The following WRN variants were observed in gnomAD, a reference collection of about 807,000 sequenced individuals.
The protein encoded by WRN is WRN RecQ like helicase.
Under a neutral mutation model 180.7 loss-of-function variants are expected in WRN, and 149 were observed. The ratio of observed to expected loss-of-function variants is 0.82; its 90% CI spans 0.72 to 0.94. The LOEUF is 0.94. Among genes scored for constraint, WRN ranks in the 40% least tolerant of loss-of-function variants. The pLI is 0.00. For missense variants in WRN, 1,661 were observed against 1,700.1 expected, an observed-to-expected ratio of 0.98 and a Z score of 0.40; for synonymous variants, 548 against 568.9, an observed-to-expected ratio of 0.96 and a Z score of 0.52.
chr8:31,048,482 A>G (rs1175644135), intron 1 of WRN, among the ~76,000 whole-genome samples: 1 of 152,220 alleles, frequency 6.6e-6, no homozygotes, highest in Non-Finnish European at 1.5e-5. Context: ...TATAGATTGT[A>G]TATATGTATA....
intron 8 of WRN, among the ~76,000 whole-genome samples, chr8:31,078,260 C>T (rs772431256): frequency 6.6e-6 from 1 of 152,066 alleles, no homozygotes; most frequent in Non-Finnish European, 1.5e-5. Flanking sequence ...AGTGTGAAAA[C>T]GATAACTAGT....
chr8:31,086,001 C>A (rs1184538606), intron 11 of WRN, among the ~76,000 whole-genome samples: 1 of 151,852 alleles, frequency 6.6e-6, no homozygotes, highest in Non-Finnish European at 1.5e-5. Context: ...TTCAGTTTTA[C>A]TCTTATTATT....
At position 31,125,971 on chromosome 8, in the gene WRN, A is replaced by AATATATATATATAT. The variant is rs55952524; in HGVS notation, c.2825+986_2825+999dup. On this transcript the variant is annotated intron_variant, in intron 23 of 34. Coordinates refer to ENST00000298139, the MANE Select transcript of WRN (RefSeq NM_000553.6). Reference sequence around the variant, plus strand: ...TCACAACCAAGAAGACATCATCCTAAATATATATATATATATATATATATA... The same window carrying AATATATATATATAT: ...TCACAACCAAGAAGACATCATCCTAAATATATATATATATATATATATATATATATATATATATA... Among the ~76,000 whole-genome samples the AATATATATATATAT allele has an allele frequency of 2.2e-4, 32 of 145,650 alleles. 1 individual carries two copies. Among genetic ancestry groups the AATATATATATATAT allele is most frequent in the African/African-American group, 6.5e-4 (25 of 38,688 alleles).
intron 8 of WRN, among the ~76,000 whole-genome samples, chr8:31,078,840 G>T (rs2553268): frequency 0.67 from 101,902 of 152,064 alleles, 34,783 homozygotes; most frequent in East Asian, 0.86. Flanking sequence ...CAGGACAGCC[G>T]TTGGTATTTG....
At chr8:31,052,152 A>G (rs1024594114) in intron 1 of WRN, among the ~76,000 whole-genome samples, 1 of 152,216 alleles carries the variant, frequency 6.6e-6, no homozygotes, top group Non-Finnish European at 1.5e-5. Flanking sequence ...GTTCTATAGT[A>G]TGAAAAAATA....
chr8:31,048,623 A>G, intron 1 of WRN, among the ~76,000 whole-genome samples: 1 of 152,204 alleles, frequency 6.6e-6, no homozygotes, highest in East Asian at 1.9e-4. Context: ...AAAATATGTA[A>G]TATAATAAAA....
chr8:31,129,619 CTG>C (rs1218140558), intron 23 of WRN, among the ~76,000 whole-genome samples: 1 of 152,090 alleles, frequency 6.6e-6, no homozygotes, highest in Non-Finnish European at 1.5e-5. Context: ...AAAAATCAAA[CTG>C]GAAATTAAAA....
chr8:31,154,489 C>T (rs972149951), intron 31 of WRN, 135 bp from the exon 32 acceptor site: 15 of 1,041,600 alleles, frequency 1.4e-5, no homozygotes, highest in Middle Eastern at 6.4e-4. Flanking sequence ...TTTTGAGCTC[C>T]CCATAAAAAG....
chr8:31,101,870 A>C (rs1026050683), intron 18 of WRN, among the ~76,000 whole-genome samples: 4 of 151,826 alleles, frequency 2.6e-5, no homozygotes, highest in African/African-American at 9.7e-5. Flanking sequence ...TGGTTTAAAA[A>C]CCCACAATAA....
At chr8:31,072,429 G>A (rs1744924840) in intron 7 of WRN, among the ~76,000 whole-genome samples, 1 of 152,150 alleles carries the variant, frequency 6.6e-6, no homozygotes, top group Non-Finnish European at 1.5e-5. Flanking sequence ...TAACATGAAG[G>A]TCCTATAACC....
At chr8:31,162,471 G>A (rs1803668481) in intron 33 of WRN, among the ~76,000 whole-genome samples, 1 of 151,998 alleles carries the variant, frequency 6.6e-6, no homozygotes, top group South Asian at 2.1e-4. Context: ...CCTTCTTCTG[G>A]ACACCTCCAG....
At chr8:31,047,910 C>T (rs746144648) in intron 1 of WRN, among the ~76,000 whole-genome samples, 35 of 152,158 alleles carry the variant, frequency 2.3e-4, no homozygotes, top group African/African-American at 6.3e-4. Context: ...CAGTTCAGGT[C>T]AAGTGATGTT....
At chr8:31,040,566 A>T (rs1811613039) in intron 1 of WRN, among the ~76,000 whole-genome samples, 1 of 152,228 alleles carries the variant, frequency 6.6e-6, no homozygotes, top group Admixed American at 6.5e-5. Context: ...ATGTTTCAAG[A>T]AGATGGGTGT....
At chr8:31,062,866 C>T (rs1173748015) in intron 3 of WRN, among the ~76,000 whole-genome samples, 1 of 151,966 alleles carries the variant, frequency 6.6e-6, no homozygotes, top group East Asian at 1.9e-4. Context: ...GGGTCTTGCT[C>T]TGTTATCCAG....
In WRN at chr8:31,091,864, GCA is replaced by G; in HGVS notation, c.1867_1868del (p.Gln623ValfsTer9). The G allele has an allele frequency of 6.2e-7, 1 of 1,613,122 alleles. No individual in the cohort carries two copies. The highest frequency in any genetic ancestry group is 1.1e-5 in the South Asian group (1 of 91,062). On this transcript the variant is annotated frameshift_variant, in exon 16 of 35. Transcript: ENST00000298139. LOFTEE classifies it high-confidence loss of function. The part of the protein sequence containing the change: ...SNIPACFLGS[A>X]QSENVLTDIK... ...CATCCCAGCTTGCTTCCTTGGATCAGCACAGTCAGAAAATGTTCTAACAGATA... is the reference window on the plus strand; with the variant it reads ...CATCCCAGCTTGCTTCCTTGGATCAGCAGTCAGAAAATGTTCTAACAGATA...
At chr8:31,142,073 G>C (rs1408640910) in intron 26 of WRN, among the ~76,000 whole-genome samples, 1 of 152,020 alleles carries the variant, frequency 6.6e-6, no homozygotes, top group Non-Finnish European at 1.5e-5. Context: ...CACCTGAGTA[G>C]ATGGGACTAC....
intron 7 of WRN, among the ~76,000 whole-genome samples, chr8:31,073,293 A>G (rs1390251001): frequency 1.3e-5 from 2 of 152,232 alleles, no homozygotes; most frequent in African/African-American, 2.4e-5. Context: ...GAGAAGTCGT[A>G]GCTTCTGTAG....
rs371538747 is a variant in WRN at position 31,064,406 on chromosome 8, T to G, written c.327T>G (p.Cys109Trp). The change falls in exon 4 of 35, where the codon TGT becomes TGG. Residue 109 changes from cysteine to tryptophan, a missense_variant. Around this residue, in one of 3 missense-constraint regions of WRN, gnomAD observed 500 missense variants for 504.1 expected, o/e 0.99. Coordinates refer to ENST00000298139, the MANE Select transcript of WRN (RefSeq NM_000553.6). ...AGTTGTGTGTTTCTGAGAGCAAATG[T>G]TACTTGTTCCACGTTTCTTCCATGT... is the stretch of plus-strand genomic sequence containing the variant. ...LIQLCVSESK[C>W]YLFHVSSMSV... The G allele has an allele frequency of 1.2e-6, 2 of 1,614,032 alleles. No individual in the cohort carries two copies. The highest frequency in any genetic ancestry group is 1.7e-5 in the Admixed American group (1 of 60,000).
chr8:31,103,216 C>A (rs1318113724), intron 18 of WRN, among the ~76,000 whole-genome samples: 1 of 152,104 alleles, frequency 6.6e-6, no homozygotes, highest in African/African-American at 2.4e-5. Context: ...CTGCCTGAGG[C>A]TGTTTTTCAG....
Sources: gnomAD v4.1 joint callset for allele counts (sites outside exome capture counted in the v4.1 genomes callset) on GRCh38, gnomAD v4.1.1 for gene constraint, gnomAD v4.1.1 regional missense constraint, MANE v1.5 for transcripts, NCBI Gene and HGNC (gene_info 2026-07-23, HGNC 2026-07-21) for gene names.